The following PTPRN2 variants were observed in gnomAD, a reference collection of about 807,000 sequenced individuals.
PTPRN2 encodes protein tyrosine phosphatase receptor type N2, also known as receptor-type tyrosine-protein phosphatase N2.
Under a neutral mutation model 118.8 loss-of-function variants are expected in PTPRN2, and 74 were observed. The ratio of observed to expected loss-of-function variants is 0.62; its 90% CI spans 0.52 to 0.76. The LOEUF is 0.76. Ranked by LOEUF, PTPRN2 falls within the 30% of genes least tolerant of loss-of-function variation. PTPRN2 has a pLI of 0.00. For synonymous variants in PTPRN2, 641 were observed against 608.0 expected, an observed-to-expected ratio of 1.05 and a Z score of -0.80; for missense variants, 1,481 against 1,394.4, an observed-to-expected ratio of 1.06 and a Z score of -0.99.
At chr7:158,375,402 T>G (rs943783764) in intron 2 of PTPRN2, among the ~76,000 whole-genome samples, 3 of 152,184 alleles carry the variant, frequency 2.0e-5, no homozygotes, top group Non-Finnish European at 4.4e-5. Context: ...TAGGAGAGCA[T>G]GCAAGGCAGC....
intron 1 of PTPRN2, among the ~76,000 whole-genome samples, chr7:158,572,991 G>A (rs1450887934): frequency 1.3e-5 from 2 of 152,150 alleles, no homozygotes; most frequent in Admixed American, 6.5e-5. Context: ...CTAAGCTGAG[G>A]AATAGTTGTT....
At position 158,529,893 on chromosome 7, in the gene PTPRN2, G is replaced by A. The variant is rs567160634; in HGVS notation, c.113-40108C>T. 3.3e-5 allele frequency among the ~76,000 whole-genome samples: 5 copies of A among 151,746 alleles called. No individual in the cohort carries two copies. Among genetic ancestry groups the A allele is most frequent in the South Asian group, 2.1e-4 (1 of 4,766 alleles). On this transcript the variant is annotated intron_variant, in intron 1 of 22. Transcript: ENST00000389418. The surrounding 1 kb of genome is among the most constrained non-coding windows in gnomAD (Gnocchi z 4.7). The stretch of plus-strand genomic sequence containing the variant: ...CACCACACATATGCACACCACACAC[G>A]TGCCACACACAGCACACATATGCAC...
chr7:157,967,859 A>G (rs1445278830), intron 11 of PTPRN2, among the ~76,000 whole-genome samples: 3 of 152,230 alleles, frequency 2.0e-5, no homozygotes, highest in Non-Finnish European at 4.4e-5. Context: ...GGCAGCCACA[A>G]AGCTATGGGA....
intron 14 of PTPRN2, among the ~76,000 whole-genome samples, chr7:157,636,074 T>G (rs978812717): frequency 3.9e-5 from 6 of 152,226 alleles, no homozygotes; most frequent in Non-Finnish European, 8.8e-5. Flanking sequence ...TAAGAAAGAT[T>G]AACAATTTCA....
chr7:157,655,032 G>A (rs1289875425), intron 14 of PTPRN2, among the ~76,000 whole-genome samples: 2 of 152,232 alleles, frequency 1.3e-5, no homozygotes, highest in Non-Finnish European at 2.9e-5. Flanking sequence ...CAAGGGAGGA[G>A]GTTCTGCCAA....
At chr7:158,276,748 C>T (rs553814378) in intron 3 of PTPRN2, among the ~76,000 whole-genome samples, 5 of 152,342 alleles carry the variant, frequency 3.3e-5, no homozygotes, top group South Asian at 4.1e-4. Flanking sequence ...CCAGCTGCTG[C>T]GGGGCCCTGA....
At chr7:157,931,659 G>A (rs1289638162) in intron 11 of PTPRN2, among the ~76,000 whole-genome samples, 1 of 145,244 alleles carries the variant, frequency 6.9e-6, no homozygotes, top group Admixed American at 7.6e-5. Flanking sequence ...GGTAAGCTCT[G>A]GCTCTTACAT....
chr7:158,364,396 C>T (rs1243224292), intron 2 of PTPRN2, among the ~76,000 whole-genome samples: 1 of 151,486 alleles, frequency 6.6e-6, no homozygotes, highest in East Asian at 1.9e-4. Context: ...ACTTCACCTG[C>T]CTCTCGCCAT....
chr7:158,125,340 C>A (rs186980379), intron 9 of PTPRN2, among the ~76,000 whole-genome samples: 57 of 151,824 alleles, frequency 3.8e-4, no homozygotes, highest in Middle Eastern at 3.4e-3. Context: ...CAAGTCCCTC[C>A]CACAGCCGCC....
intron 11 of PTPRN2, among the ~76,000 whole-genome samples, chr7:158,039,354 T>C (rs1401414196): frequency 6.6e-6 from 1 of 152,174 alleles, no homozygotes; most frequent in Admixed American, 6.5e-5. Flanking sequence ...TGAGAAGTCC[T>C]CTTGAGGTCA....
At chr7:158,317,883 ACGGGGCC>A (rs1250420759) in intron 2 of PTPRN2, among the ~76,000 whole-genome samples, 1 of 152,210 alleles carries the variant, frequency 6.6e-6, no homozygotes, top group Admixed American at 6.5e-5. Context: ...GCTCACGACG[ACGGGGCC>A]GGGTGATTAG....
chr7:158,418,575 CGGTGT>C lies in PTPRN2; in HGVS notation c.163+71155_163+71159del, dbSNP rs1814975891. Among the ~76,000 whole-genome samples the C allele has an allele frequency of 1.2e-4, 6 of 50,062 alleles. No individual in the cohort carries two copies. The South Asian group carries it at 4.4e-3, about 37-fold the overall frequency. 32.8% of individuals were successfully genotyped at this position (50,062 alleles called of 152,430 possible). A position where few individuals can be genotyped will look rare whatever the true frequency, so the allele number is the denominator to read the frequency against. ...CTCCATGTCCCGCTGTGTTAAGTCACGGTGTACTACATCGAGATGCTGTAGCTCTC... is the reference window on the plus strand; with the variant it reads ...CTCCATGTCCCGCTGTGTTAAGTCACACTACATCGAGATGCTGTAGCTCTC... On this transcript the variant is annotated intron_variant, in intron 2 of 22. Transcript: ENST00000389418.
At chr7:158,440,215 C>T (rs551008738) in intron 2 of PTPRN2, among the ~76,000 whole-genome samples, 11 of 152,226 alleles carry the variant, frequency 7.2e-5, no homozygotes, top group Non-Finnish European at 1.0e-4. Flanking sequence ...CCACCTCGAA[C>T]ACACCCTCCA....
chr7:158,320,735 G>C (rs1263491962), intron 2 of PTPRN2, among the ~76,000 whole-genome samples: 1 of 152,138 alleles, frequency 6.6e-6, no homozygotes, highest in African/African-American at 2.4e-5. Context: ...TTCATGATGT[G>C]GGTGTCCTTT....
In PTPRN2 at chr7:158,574,022, C is replaced by T. The variant is rs541586179; in HGVS notation, c.112+13536G>A. On this transcript the variant is annotated intron_variant, in intron 1 of 22. Coordinates refer to ENST00000389418, the MANE Select transcript of PTPRN2 (RefSeq NM_002847.5). The surrounding 1 kb of genome is among the most constrained non-coding windows in gnomAD (Gnocchi z 4.6). The stretch of plus-strand genomic sequence containing the variant: ...ACAAATACAAGAAAATCTGTACTTC[C>T]AATGGGAGCTCTTCTTTAGACACAT... 2.6e-3 allele frequency among the ~76,000 whole-genome samples: 389 copies of T among 152,280 alleles called. No individual in the cohort carries two copies. The highest frequency in any genetic ancestry group is 9.0e-3 in the African/African-American group (372 of 41,542).
intron 11 of PTPRN2, among the ~76,000 whole-genome samples, chr7:158,071,517 GTGGTGGAGATGCTCGTGATGA>G (rs1811655723): frequency 5.1e-5 from 7 of 136,924 alleles, no homozygotes; most frequent in Admixed American, 7.3e-5. Flanking sequence ...GATGCTCGTG[GTGGTGGAGATGCTCGTGATGA>G]TGGAGGTGCT....
chr7:158,051,716 ATG>A (rs1254510591), intron 11 of PTPRN2, among the ~76,000 whole-genome samples: 3 of 152,152 alleles, frequency 2.0e-5, no homozygotes, highest in Non-Finnish European at 4.4e-5. Context: ...TTTTTTTTAG[ATG>A]TGTTTTTTAT....
At chr7:158,112,967 C>T (rs981392871) in intron 9 of PTPRN2, among the ~76,000 whole-genome samples, 1 of 152,110 alleles carries the variant, frequency 6.6e-6, no homozygotes, top group African/African-American at 2.4e-5. Flanking sequence ...AGCTGGAGCA[C>T]CTAAGACGGA....
chr7:157,666,503 G>GA (rs113097838), intron 13 of PTPRN2, among the ~76,000 whole-genome samples: 75 of 119,814 alleles, frequency 6.3e-4, no homozygotes, highest in South Asian at 1.2e-3. Context: ...TAGTGTGTTA[G>GA]AAAAAAAAAA....
Sources: allele counts gnomAD v4.1 joint callset (sites outside exome capture counted in the v4.1 genomes callset), GRCh38; gene constraint gnomAD v4.1.1; non-coding constraint Gnocchi (gnomAD v3.1); transcripts MANE v1.5; gene names NCBI Gene and HGNC (gene_info 2026-07-23, HGNC 2026-07-21).